Variants in RALGPS2 observed in about 807,000 individuals in gnomAD.
RALGPS2 encodes Ral GEF with PH domain and SH3 binding motif 2, also known as ras-specific guanine nucleotide-releasing factor RalGPS2.
RALGPS2 carries 43 observed loss-of-function variants against 86.8 expected under a neutral mutation model. The ratio of observed to expected loss-of-function variants is 0.50; its 90% CI spans 0.39 to 0.64. The LOEUF (loss-of-function observed/expected upper bound fraction) is 0.64, where lower values mean the gene tolerates loss of function less well. Among genes scored for constraint, RALGPS2 ranks in the 30% least tolerant of loss-of-function variants. The pLI, the probability that RALGPS2 is intolerant of heterozygous loss-of-function variation, is 0.00. For synonymous variants in RALGPS2, 243 were observed against 231.3 expected (o/e 1.05, Z -0.46); for missense variants, 536 against 694.6 (o/e 0.77, Z 2.57).
intron 7 of RALGPS2, among the ~76,000 whole-genome samples, chr1:178,831,296 G>T (rs1656007055): frequency 6.6e-6 from 1 of 152,184 alleles, no homozygotes; most frequent in Non-Finnish European, 1.5e-5. Context: ...TAATTAATCT[G>T]CACCCCGGGT....
At chr1:178,889,754 A>G in intron 14 of RALGPS2, 58 bp downstream of exon 14, 4 of 1,233,750 alleles carry the variant, frequency 3.2e-6, no homozygotes, top group Non-Finnish European at 4.7e-6. Flanking sequence ...GTTAAATAAT[A>G]TAATACAAAT....
At chr1:178,875,851 C>T (rs1293046917) in intron 8 of RALGPS2, among the ~76,000 whole-genome samples, 1 of 152,040 alleles carries the variant, frequency 6.6e-6, no homozygotes, top group African/African-American at 2.4e-5. Flanking sequence ...AAGGAGGCAG[C>T]AACGATTGCA....
intron 8 of RALGPS2, among the ~76,000 whole-genome samples, chr1:178,848,907 GA>G (rs1255269914): frequency 2.0e-5 from 3 of 152,156 alleles, no homozygotes; most frequent in Non-Finnish European, 4.4e-5. Flanking sequence ...TGGGATTACA[GA>G]TGTGAGCCAC....
At chr1:178,874,326 A>G (rs550540416) in intron 8 of RALGPS2, among the ~76,000 whole-genome samples, 1 of 152,332 alleles carries the variant, frequency 6.6e-6, no homozygotes, top group Non-Finnish European at 1.5e-5. Context: ...TTAATTTTTC[A>G]TGTTAACTCT....
intron 8 of RALGPS2, among the ~76,000 whole-genome samples, chr1:178,875,296 A>T (rs763876203): frequency 6.6e-6 from 1 of 152,254 alleles, no homozygotes; most frequent in South Asian, 2.1e-4. Context: ...ATCAAATATT[A>T]CATTAAAAAT....
chr1:178,804,703 G>A (rs1457722336), intron 4 of RALGPS2, among the ~76,000 whole-genome samples: 17 of 60,220 alleles, frequency 2.8e-4, no homozygotes, highest in African/African-American at 1.2e-3. Context: ...TTGGTTCCAA[G>A]TCTTTGCTAT....
intron 1 of RALGPS2, among the ~76,000 whole-genome samples, chr1:178,766,560 C>A (rs1055893179): frequency 1.3e-5 from 2 of 152,080 alleles, no homozygotes; most frequent in African/African-American, 4.8e-5. Flanking sequence ...GAGAACTAAC[C>A]AATACATAGG....
intron 13 of RALGPS2, among the ~76,000 whole-genome samples, chr1:178,887,202 C>T (rs1659527263): frequency 6.6e-6 from 1 of 152,142 alleles, no homozygotes; most frequent in Non-Finnish European, 1.5e-5. Flanking sequence ...CCTGTAATCC[C>T]AGCACTTTGG....
rs1652937869 is a variant in RALGPS2, at chr1:178,773,908, C to T, written c.-83-2774C>T. On this transcript the variant is annotated intron_variant, in intron 1 of 19. Transcript: ENST00000367635. ...AAATATGTAATGGATTTTAATGTGACCTTAATTTTCATGAAATACATGGGT... is the reference window on the plus strand; with the variant it reads ...AAATATGTAATGGATTTTAATGTGATCTTAATTTTCATGAAATACATGGGT... Among the ~76,000 whole-genome samples, 2 of 152,038 alleles carry T rather than the reference C, an allele frequency of 1.3e-5. 1 individual carries two copies. The highest frequency in any genetic ancestry group is 4.2e-4 in the South Asian group (2 of 4,816).
intron 18 of RALGPS2, among the ~76,000 whole-genome samples, chr1:178,905,230 A>C (rs555823587): frequency 6.6e-6 from 1 of 152,314 alleles, no homozygotes; most frequent in African/African-American, 2.4e-5. Flanking sequence ...CCCATATCAA[A>C]GGCATAATTC....
At chr1:178,793,560 A>G (rs905225169) in intron 4 of RALGPS2, among the ~76,000 whole-genome samples, 1 of 151,910 alleles carries the variant, frequency 6.6e-6, no homozygotes, top group Non-Finnish European at 1.5e-5. Context: ...AATAGGTGAT[A>G]AAGTCTGGGG....
chr1:178,797,457 A>G (rs1190310647), intron 4 of RALGPS2, among the ~76,000 whole-genome samples: 3 of 152,116 alleles, frequency 2.0e-5, no homozygotes, highest in Non-Finnish European at 4.4e-5. Flanking sequence ...GTCCCGGTGC[A>G]ATTTTAGCTT....
At chr1:178,887,057 G>C (rs1659518385) in intron 13 of RALGPS2, among the ~76,000 whole-genome samples, 1 of 152,184 alleles carries the variant, frequency 6.6e-6, no homozygotes, top group South Asian at 2.1e-4. Context: ...GACCATATTA[G>C]AAAGGGATGT....
At chr1:178,735,843 T>C (rs1477160995) in intron 1 of RALGPS2, among the ~76,000 whole-genome samples, 1 of 152,164 alleles carries the variant, frequency 6.6e-6, no homozygotes, top group Non-Finnish European at 1.5e-5. Context: ...TCAAAGATAG[T>C]TTCTACTATC....
chr1:178,758,861 A>G (rs1652088115), intron 1 of RALGPS2, among the ~76,000 whole-genome samples: 1 of 151,686 alleles, frequency 6.6e-6, no homozygotes, highest in Non-Finnish European at 1.5e-5. Context: ...TACCAGTTAT[A>G]TGTTTTCTTT....
At chr1:178,819,587 C>T (rs1655399724) in intron 6 of RALGPS2, among the ~76,000 whole-genome samples, 1 of 152,148 alleles carries the variant, frequency 6.6e-6, no homozygotes, top group South Asian at 2.1e-4. Context: ...AAGGGATTGC[C>T]AGCTTTGGTG....
intron 6 of RALGPS2, among the ~76,000 whole-genome samples, chr1:178,812,422 G>A (rs190581657): frequency 6.6e-6 from 1 of 152,296 alleles, no homozygotes; most frequent in Admixed American, 6.5e-5. Context: ...GCCTATGGTT[G>A]AGTTAATCTT....
intron 1 of RALGPS2, among the ~76,000 whole-genome samples, chr1:178,744,971 A>T (rs1348124314): frequency 6.6e-6 from 1 of 152,232 alleles, no homozygotes; most frequent in African/African-American, 2.4e-5. Flanking sequence ...GTTGTGGATT[A>T]CAGAATCAGT....
chr1:178,744,496 A>G (rs978119392), intron 1 of RALGPS2, among the ~76,000 whole-genome samples: 2 of 152,164 alleles, frequency 1.3e-5, no homozygotes, highest in Admixed American at 6.5e-5. Flanking sequence ...CTGGAGGTTC[A>G]TTGCAGCCAA....
Sources: allele counts gnomAD v4.1 joint callset (sites outside exome capture counted in the v4.1 genomes callset), GRCh38; gene constraint gnomAD v4.1.1; transcripts MANE v1.5; gene names NCBI Gene and HGNC (gene_info 2026-07-23, HGNC 2026-07-21).